The following TCF25 variants were observed in gnomAD, a reference collection of about 807,000 sequenced individuals.
TCF25 encodes the protein TCF25 ribosome quality control complex subunit.
In TCF25, 41 loss-of-function variants were observed where a neutral mutation model predicts 83.1. The observed-to-expected ratio is 0.49, with a 90% confidence interval of 0.38 to 0.64. TCF25 has a LOEUF of 0.64. Among genes scored for constraint, TCF25 ranks in the 30% least tolerant of loss-of-function variants. The pLI, the probability that TCF25 is intolerant of heterozygous loss-of-function variation, is 0.00. For synonymous variants in TCF25, 458 were observed against 365.0 expected (o/e 1.25, Z -2.90); for missense variants, 979 against 914.5 (o/e 1.07, Z -0.91).
intron 15 of TCF25, among the ~76,000 whole-genome samples, chr16:89,906,502 A>C (rs1466923334): frequency 1.3e-5 from 2 of 152,110 alleles, no homozygotes; most frequent in Non-Finnish European, 2.9e-5. Flanking sequence ...TTTGGGGCTC[A>C]GAGCACAAGC....
intron 2 of TCF25, 95 bp from the exon 3 acceptor site, chr16:89,884,487 G>T: frequency 1.5e-6 from 2 of 1,303,648 alleles, no homozygotes; most frequent in Non-Finnish European, 2.2e-6. Context: ...GGTAGGGGCT[G>T]CTTAGGTGAG....
chr16:89,881,828 C>T (rs1037318132), intron 1 of TCF25, among the ~76,000 whole-genome samples: 1 of 152,120 alleles, frequency 6.6e-6, no homozygotes, highest in Admixed American at 6.5e-5. Flanking sequence ...AATCTTGGCT[C>T]GCTGCAACCT....
At chr16:89,883,836 C>A (rs900128990) in intron 2 of TCF25, 4 of 266,274 alleles carry the variant, frequency 1.5e-5, no homozygotes, top group Non-Finnish European at 3.0e-5. Context: ...CCTAGCCGAC[C>A]GCGCACGTGT....
chr16:89,873,597 C>T lies in TCF25; in HGVS notation c.-71C>T, dbSNP rs2041915760. ...CCCCCGACCCCGCGCGAAGAGTGCG[C>T]AGGCGCGCCGACAGCCGAGTTTTCT... On this transcript the variant is annotated 5_prime_UTR_variant, in exon 1 of 18. Transcript: ENST00000263346. 12 of 1,301,432 alleles carry T rather than the reference C, an allele frequency of 9.2e-6. No homozygotes were observed. The South Asian group carries it at 1.7e-4, about 19-fold the overall frequency. 80.6% of individuals were successfully genotyped at this position (1,301,432 alleles called of 1,614,324 possible).
chr16:89,888,269 A>G (rs2043164268), intron 5 of TCF25, among the ~76,000 whole-genome samples: 1 of 150,842 alleles, frequency 6.6e-6, no homozygotes, highest in Non-Finnish European at 1.5e-5. Flanking sequence ...GTGTCTCAAA[A>G]AAAAGTTTTC....
chr16:89,905,475 G>C (rs1192969509), intron 14 of TCF25, among the ~76,000 whole-genome samples: 1 of 152,226 alleles, frequency 6.6e-6, no homozygotes, highest in East Asian at 1.9e-4. Flanking sequence ...TGAACACTTC[G>C]GAGGCTCATG....
chr16:89,894,308 G>A (rs1019110665), intron 7 of TCF25, among the ~76,000 whole-genome samples: 3 of 144,768 alleles, frequency 2.1e-5, no homozygotes, highest in Non-Finnish European at 3.0e-5. Context: ...GTACAGCCCC[G>A]GTGCAACCCT....
In TCF25 at chr16:89,911,249, A is replaced by T; in HGVS notation, c.*11A>T. 1 of 1,611,700 alleles carries T rather than the reference A, an allele frequency of 6.2e-7. No homozygotes were observed. The highest frequency in any genetic ancestry group is 8.5e-7 in the Non-Finnish European group (1 of 1,179,452). On this transcript the variant is annotated 3_prime_UTR_variant, in exon 18 of 18. Transcript: ENST00000263346. ...GGGGAGTGGGACTGAGCGTCCGCAG[A>T]GGTGACCGAAAAGCCGTATGATGAT...
intron 15 of TCF25, 124 bp from the exon 16 acceptor site, chr16:89,907,119 T>C (rs2044857153): frequency 2.1e-6 from 2 of 964,656 alleles, no homozygotes. Context: ...TCTGTCAGAC[T>C]CTGTGGCTAT....
intron 2 of TCF25, chr16:89,883,832 C>T (rs142419852): frequency 2.3e-5 from 6 of 260,294 alleles, no homozygotes; most frequent in African/African-American, 1.3e-4. Flanking sequence ...GCCTCCTAGC[C>T]GACCGCGCAC....
Position 89,908,098 on chromosome 16 carries a change from TTCCCAGC to T in TCF25, c.1799+788_1799+794del, listed in dbSNP as rs1435595935. Among the ~76,000 whole-genome samples the T allele has an allele frequency of 1.8e-4, 13 of 74,066 alleles. 1 individual carries two copies. The highest frequency in any genetic ancestry group is 4.6e-4 in the East Asian group (1 of 2,156). The allele number at this position is 74,066 out of a possible 152,430, so 48.6% of individuals were successfully genotyped here. A position where few individuals can be genotyped will look rare whatever the true frequency, so the allele number is the denominator to read the frequency against. On this transcript the variant is annotated intron_variant, in intron 16 of 17. Transcript: ENST00000263346. ...GCCCCTGTCTCCTCCCTCCTCCCAGTTCCCAGCTCCCAGCTCCCGCCTCCCTCCTCTC... is the reference window on the plus strand; with the variant it reads ...GCCCCTGTCTCCTCCCTCCTCCCAGTTCCCAGCTCCCGCCTCCCTCCTCTC...
chr16:89,898,028 C>T (rs1567722788), intron 9 of TCF25, among the ~76,000 whole-genome samples: 1 of 151,316 alleles, frequency 6.6e-6, no homozygotes, highest in African/African-American at 2.4e-5. Context: ...GGCATGAACC[C>T]AGGAGGCGGA....
Position 89,873,637 on chromosome 16 carries a change from C to T in TCF25, c.-31C>T, listed in dbSNP as rs369986838. ...CCGAGTTTTCTGCGCTTCCTTCTCC[C>T]TCTCTCCAGACGTCGTGGTCGTTCG... On this transcript the variant is annotated 5_prime_UTR_variant, in exon 1 of 18. Transcript: ENST00000263346. 48 of 1,505,422 alleles carry T rather than the reference C, an allele frequency of 3.2e-5. No individual in the cohort carries two copies. The Middle Eastern group carries it at 1.6e-3, about 49-fold the overall frequency. 93.3% of individuals were successfully genotyped at this position (1,505,422 alleles called of 1,614,324 possible).
chr16:89,880,593 A>G (rs2042536048), intron 1 of TCF25, among the ~76,000 whole-genome samples: 2 of 150,272 alleles, frequency 1.3e-5, no homozygotes, highest in African/African-American at 4.9e-5. Flanking sequence ...CAAAAAAAGA[A>G]AAAAAAAAAA....
chr16:89,882,534 C>G (rs1479451495), intron 1 of TCF25, among the ~76,000 whole-genome samples: 1 of 150,908 alleles, frequency 6.6e-6, no homozygotes, highest in East Asian at 2.1e-4. Context: ...GAGACTCTGT[C>G]TCAAAAAGAG....
At chr16:89,889,188 C>CT (rs1373604452) in intron 5 of TCF25, 24 of 396,284 alleles carry the variant, frequency 6.1e-5, no homozygotes, top group East Asian at 2.4e-4. Flanking sequence ...AAGGCTTTGT[C>CT]TTTTTTTTAT....
At chr16:89,908,837 C>CCACT (rs2045301847) in intron 16 of TCF25, 1 of 1,017,574 alleles carries the variant, frequency 9.8e-7, no homozygotes, top group African/African-American at 1.7e-5. Flanking sequence ...CAGCTCCCAC[C>CCACT]TCGCAGCTCC....
intron 6 of TCF25, among the ~76,000 whole-genome samples, chr16:89,893,412 G>A (rs990852480): frequency 2.0e-5 from 3 of 152,206 alleles, no homozygotes; most frequent in African/African-American, 2.4e-5. Flanking sequence ...CAGATCTGGC[G>A]ATCTGTGGAC....
At chr16:89,879,989 C>T (rs529843649) in intron 1 of TCF25, among the ~76,000 whole-genome samples, 13 of 151,174 alleles carry the variant, frequency 8.6e-5, no homozygotes, top group African/African-American at 2.7e-4. Context: ...GACTATCACG[C>T]GTGCTGTCCA....
Sources: allele counts gnomAD v4.1 joint callset (sites outside exome capture counted in the v4.1 genomes callset), GRCh38; gene constraint gnomAD v4.1.1; transcripts MANE v1.5; gene names NCBI Gene and HGNC (gene_info 2026-07-23, HGNC 2026-07-21).